The following ATP2C1 variants were observed in gnomAD, a reference collection of about 807,000 sequenced individuals.
The protein encoded by ATP2C1 is ATPase secretory pathway Ca2+ transporting 1, also known as calcium-transporting ATPase type 2C member 1.
ATP2C1 carries 31 observed loss-of-function variants against 120.5 expected under a neutral mutation model. The ratio of observed to expected loss-of-function variants is 0.26; its 90% CI spans 0.19 to 0.35. The LOEUF (loss-of-function observed/expected upper bound fraction) is 0.35, where lower values mean the gene tolerates loss of function less well. Among genes scored for constraint, ATP2C1 ranks in the 10% least tolerant of loss-of-function variants. ATP2C1 has a pLI of 1.00. For missense variants in ATP2C1, 731 were observed against 1,107.5 expected (o/e 0.66, Z 4.83); for synonymous variants, 351 against 358.7 (o/e 0.98, Z 0.24).
intron 11 of ATP2C1, among the ~76,000 whole-genome samples, chr3:130,957,008 G>A (rs1403891681): frequency 6.6e-6 from 1 of 151,942 alleles, no homozygotes; most frequent in African/African-American, 2.4e-5. Context: ...GAATAAACTT[G>A]GTAAGAGGAC....
Position 131,001,769 on chromosome 3 carries a change from T to C in ATP2C1, c.*419T>C. On this transcript the variant is annotated 3_prime_UTR_variant, in exon 28 of 28. Coordinates refer to ENST00000510168, the MANE Select transcript of ATP2C1 (RefSeq NM_001378687.1). The stretch of plus-strand genomic sequence containing the variant: ...TAATACACAAATAAATTTAATCATT[T>C]CAAAGGCATTCTATTTGGTTTAGAA... 1 of 983,410 alleles carries C rather than the reference T, an allele frequency of 1.0e-6. No individual in the cohort carries two copies. The highest frequency in any genetic ancestry group is 1.2e-6 in the Non-Finnish European group (1 of 827,614). 60.9% of individuals were successfully genotyped at this position (983,410 alleles called of 1,614,324 possible).
chr3:130,898,758 T>G (rs2069870164), intron 2 of ATP2C1, among the ~76,000 whole-genome samples: 1 of 152,144 alleles, frequency 6.6e-6, no homozygotes, highest in African/African-American at 2.4e-5. Flanking sequence ...AATAGTTTCC[T>G]AGGGAACACA....
rs746694889 is a variant in ATP2C1, at chr3:131,003,037, C to T, written c.*1687C>T. The T allele has an allele frequency of 1.1e-5, 11 of 985,582 alleles. No individual in the cohort carries two copies. The highest frequency in any genetic ancestry group is 1.3e-5 in the Non-Finnish European group (11 of 829,828). 61.1% of individuals were successfully genotyped at this position (985,582 alleles called of 1,614,324 possible). On this transcript the variant is annotated 3_prime_UTR_variant, in exon 28 of 28. Transcript: ENST00000510168. ...AAAGACTTGAAATACGTATTAAATG[C>T]ACGTTAATGTTTTGCTTTGCATTTT...
At chr3:130,855,617 C>T (rs1382214106) in intron 1 of ATP2C1, among the ~76,000 whole-genome samples, 3 of 152,078 alleles carry the variant, frequency 2.0e-5, no homozygotes, top group Non-Finnish European at 2.9e-5. Context: ...GAATTTGGTT[C>T]GCTTGACTCT....
intron 8 of ATP2C1, among the ~76,000 whole-genome samples, chr3:130,949,543 A>C (rs993246346): frequency 6.6e-6 from 1 of 152,184 alleles, no homozygotes; most frequent in Non-Finnish European, 1.5e-5. Flanking sequence ...GAGAAGCTGC[A>C]GCAAGTTATT....
intron 26 of ATP2C1, among the ~76,000 whole-genome samples, chr3:131,009,174 G>A (rs2063222061): frequency 6.6e-6 from 1 of 152,114 alleles, no homozygotes; most frequent in African/African-American, 2.4e-5. Context: ...ATGTTATCTT[G>A]CTTAGAGAAG....
chr3:130,974,065 G>A (rs1223961735), intron 17 of ATP2C1, among the ~76,000 whole-genome samples: 1 of 152,202 alleles, frequency 6.6e-6, no homozygotes, highest in Admixed American at 6.5e-5. Context: ...GTGGTCTCCA[G>A]TAATAATATA....
chr3:130,861,328 C>A (rs2068006237), intron 1 of ATP2C1, among the ~76,000 whole-genome samples: 2 of 152,108 alleles, frequency 1.3e-5, no homozygotes, highest in Admixed American at 6.5e-5. Flanking sequence ...TCGGCTCATG[C>A]AATTATGGAG....
intron 8 of ATP2C1, 118 bp downstream of exon 8, chr3:130,941,817 T>G (rs1163604265): frequency 3.3e-6 from 3 of 906,212 alleles, no homozygotes; most frequent in African/African-American, 1.7e-5. Flanking sequence ...TATTCTACTT[T>G]AAAATGTGAC....
chr3:131,014,913 G>A (rs556806252), intron 26 of ATP2C1, among the ~76,000 whole-genome samples: 1 of 152,320 alleles, frequency 6.6e-6, no homozygotes, highest in South Asian at 2.1e-4. Flanking sequence ...TAACATCTCT[G>A]TGTAAAAAGC....
Position 130,945,570 on chromosome 3 carries a change from G to A in ATP2C1, c.531+3871G>A, listed in dbSNP as rs2060114935. ...GTGATGTTTCCAACCCCGTGTCCAA[G>A]TGTTCTCATTGTTCAATTCCCACGT... On this transcript the variant is annotated intron_variant, in intron 8 of 27. Transcript: ENST00000510168. Among the ~76,000 whole-genome samples the A allele has an allele frequency of 2.9e-5, 4 of 136,644 alleles. No individual in the cohort carries two copies. The South Asian group carries it at 9.1e-4, about 31-fold the overall frequency. The allele number at this position is 136,644 out of a possible 152,430, so 89.6% of individuals were successfully genotyped here.
chr3:130,865,003 C>T (rs1306625041), intron 1 of ATP2C1, among the ~76,000 whole-genome samples: 10 of 152,064 alleles, frequency 6.6e-5, no homozygotes, highest in South Asian at 2.1e-4. Context: ...GTAGATCCAC[C>T]GACAGCTTGC....
intron 10 of ATP2C1, chr3:130,955,618 A>C (rs2060545753): frequency 5.8e-6 from 1 of 173,404 alleles, no homozygotes; most frequent in African/African-American, 2.4e-5. Flanking sequence ...GTAACCTGCC[A>C]AAACTCCAGT....
In ATP2C1 at chr3:130,894,533, C is replaced by A. The variant is rs115940289; in HGVS notation, c.-180-57C>A. The A allele has an allele frequency of 7.2e-7, 1 of 1,393,480 alleles. No homozygotes were observed. The highest frequency in any genetic ancestry group is 9.3e-7 in the Non-Finnish European group (1 of 1,075,294). The allele number at this position is 1,393,480 out of a possible 1,614,324, so 86.3% of individuals were successfully genotyped here. On this transcript the variant is annotated intron_variant, in intron 1 of 27. Transcript: ENST00000510168. The surrounding 1 kb of genome is among the most constrained non-coding windows in gnomAD (Gnocchi z 4.5). ...GGGGGCTCCCGAGATAGTGGCTGGG[C>A]GGGGAACTCCTTCCTCAGCCTCTCG...
intron 7 of ATP2C1, 112 bp downstream of exon 7, chr3:130,940,803 A>G (rs2059857242): frequency 1.2e-6 from 1 of 851,602 alleles, no homozygotes; most frequent in Non-Finnish European, 1.9e-6. Context: ...GGAAGATACT[A>G]TTAATCTGAC....
At chr3:130,976,256 C>CT (rs1281504786) in intron 18 of ATP2C1, among the ~76,000 whole-genome samples, 12 of 152,070 alleles carry the variant, frequency 7.9e-5, no homozygotes, top group African/African-American at 2.9e-4. Context: ...TAAGCAAAGG[C>CT]TTTTTTTGAG....
intron 26 of ATP2C1, among the ~76,000 whole-genome samples, chr3:131,012,940 A>C (rs1467515962): frequency 6.6e-6 from 1 of 152,158 alleles, no homozygotes; most frequent in Non-Finnish European, 1.5e-5. Flanking sequence ...TGTTTATCAG[A>C]TATTAGGAAC....
At chr3:130,884,354 TGTG>T (rs1190027118) in intron 1 of ATP2C1, among the ~76,000 whole-genome samples, 1 of 152,248 alleles carries the variant, frequency 6.6e-6, no homozygotes, top group Non-Finnish European at 1.5e-5. Context: ...TTTATTCCAT[TGTG>T]GTCAGAGAAG....
intron 9 of ATP2C1, 147 bp downstream of exon 9, chr3:130,954,123 G>T: frequency 1.2e-6 from 1 of 842,244 alleles, no homozygotes. Context: ...TTGTGAAACT[G>T]GGGAGAATCT....
Sources: allele counts gnomAD v4.1 joint callset (sites outside exome capture counted in the v4.1 genomes callset), GRCh38; gene constraint gnomAD v4.1.1; non-coding constraint Gnocchi (gnomAD v3.1); transcripts MANE v1.5; gene names NCBI Gene and HGNC (gene_info 2026-07-23, HGNC 2026-07-21).